The following PREX1 variants were observed in gnomAD, a reference collection of about 807,000 sequenced individuals.
PREX1 encodes the protein phosphatidylinositol 3,4,5-trisphosphate-dependent Rac exchanger 1 protein.
Under a neutral mutation model 198.3 loss-of-function variants are expected in PREX1, and 41 were observed. The observed-to-expected ratio is 0.21, with a 90% CI of 0.16 to 0.27. The LOEUF (loss-of-function observed/expected upper bound fraction) is 0.27. PREX1 is among the 10% of genes least tolerant of loss of function. The pLI is 1.00. For missense variants in PREX1, 1,620 were observed against 2,200.7 expected (o/e 0.74, Z 5.28); for synonymous variants, 843 against 887.2 (o/e 0.95, Z 0.89).
chr20:48,735,940 C>T (rs945066935), intron 3 of PREX1, among the ~76,000 whole-genome samples: 2 of 152,090 alleles, frequency 1.3e-5, no homozygotes, highest in Non-Finnish European at 2.9e-5. Flanking sequence ...GGGCACTACA[C>T]CAGAATACTG....
rs2089483271 is a variant in PREX1, at chr20:48,650,224, G to GT, written c.2818-19dup. On this transcript the variant is annotated intron_variant, in intron 23 of 39. Transcript: ENST00000371941. ...GCTGCAAACTGAGAAAGTGGAGGCC[G>GT]TAAGGTCGTGAATCACAGGGCAGGG... 3 of 1,591,508 alleles carry GT rather than the reference G, an allele frequency of 1.9e-6. No individual in the cohort carries two copies. Among genetic ancestry groups the GT allele is most frequent in the African/African-American group, 1.3e-5 (1 of 74,360 alleles).
intron 1 of PREX1, among the ~76,000 whole-genome samples, chr20:48,774,232 G>A (rs1322962150): frequency 6.6e-6 from 1 of 152,232 alleles, no homozygotes; most frequent in Non-Finnish European, 1.5e-5. Flanking sequence ...GCATTCAACT[G>A]CAATCGTGCT....
chr20:48,695,941 T>C (rs150902850), intron 7 of PREX1, among the ~76,000 whole-genome samples: 197 of 152,364 alleles, frequency 1.3e-3, no homozygotes, highest in African/African-American at 4.6e-3. Context: ...TAAAACTTTA[T>C]TGACAAAAAT....
the PREX1 span, among the ~76,000 whole-genome samples, chr20:48,882,501 CAAAAA>C: frequency 1.5e-4 from 10 of 66,880 alleles, no homozygotes; most frequent in Admixed American, 4.1e-4. Context: ...GACTCCGTCT[CAAAAA>C]AAAAAAAAAA....
At chr20:48,686,984 G>A (rs774395247) in intron 10 of PREX1, among the ~76,000 whole-genome samples, 1 of 151,932 alleles carries the variant, frequency 6.6e-6, no homozygotes, top group Admixed American at 6.6e-5. Flanking sequence ...CTGCCTCCCC[G>A]CCTCTTCCTC....
At chr20:48,813,190 A>G (rs1467313648) in intron 1 of PREX1, among the ~76,000 whole-genome samples, 1 of 152,200 alleles carries the variant, frequency 6.6e-6, no homozygotes, top group Non-Finnish European at 1.5e-5. Flanking sequence ...GGAACAAGGG[A>G]ACAAGTCTAT....
chr20:48,810,783 A>G (rs2090430498), intron 1 of PREX1, among the ~76,000 whole-genome samples: 1 of 151,192 alleles, frequency 6.6e-6, no homozygotes, highest in Non-Finnish European at 1.5e-5. Flanking sequence ...GCTACTTGGG[A>G]GGCTGAGGTA....
the PREX1 span, among the ~76,000 whole-genome samples, chr20:48,854,815 A>G: frequency 6.6e-6 from 1 of 152,230 alleles, no homozygotes; most frequent in African/African-American, 2.4e-5. Context: ...CCTCTCAGCT[A>G]CAGGGAATTT....
chr20:48,649,343 C>A lies in PREX1; in HGVS notation c.3262G>T (p.Val1088Leu), dbSNP rs1293016161. 19 of 1,614,188 alleles carry A rather than the reference C, an allele frequency of 1.2e-5. No homozygotes were observed. The highest frequency in any genetic ancestry group is 1.4e-5 in the Non-Finnish European group (17 of 1,180,030). The change falls in exon 25 of 40, where the codon GTG (valine) becomes TTG (leucine). Residue 1088 changes from valine (V) to leucine (L), a missense_variant. By Grantham distance (32) the Val-to-Leu change is conservative. Transcript: ENST00000371941. ...TATTGCTTCATCTCCTTCAGGGCCACATCCAGCTTGGTGAAGAGCTGCAGG... is the reference window on the plus strand; with the variant it reads ...TATTGCTTCATCTCCTTCAGGGCCAAATCCAGCTTGGTGAAGAGCTGCAGG... ...AYLQLFTKLD[V>L]ALKEMKQYVT...
At chr20:48,642,380 G>A in intron 28 of PREX1, 27 bp downstream of exon 28, 1 of 1,609,168 alleles carries the variant, frequency 6.2e-7, no homozygotes, top group East Asian at 2.2e-5. Flanking sequence ...ACCCAAAGTT[G>A]CGCCAGGAGT....
chr20:48,684,565 A>C lies in PREX1; in HGVS notation c.1335-3230T>G, dbSNP rs898583508. Among the ~76,000 whole-genome samples, 24 of 152,218 alleles carry C rather than the reference A, an allele frequency of 1.6e-4. No homozygotes were observed. Among genetic ancestry groups the C allele is most frequent in the Non-Finnish European group, 3.2e-4 (22 of 68,020 alleles). On this transcript the variant is annotated intron_variant, in intron 10 of 39. Coordinates refer to ENST00000371941, the MANE Select transcript of PREX1 (RefSeq NM_020820.4). The surrounding 1 kb of genome is among the most constrained non-coding windows in gnomAD (Gnocchi z 4.2). ...CTAATCTCTGCCAAGGGTGAAACCC[A>C]AGGCCTTCGTCCAGGAAGCTTTTCC...
chr20:48,762,702 T>TC lies in PREX1; in HGVS notation c.220-14823_220-14822insG, dbSNP rs35062559. ...CTGACTGCTAATGGTATGAAGTTTC[T>TC]TTTTTTTTTTTTTTTTTTGAGACAA... is the stretch of plus-strand genomic sequence containing the variant. On this transcript the variant is annotated intron_variant, in intron 1 of 39. Transcript: ENST00000371941. Among the ~76,000 whole-genome samples, 3 of 71,290 alleles carry TC rather than the reference T, an allele frequency of 4.2e-5. No individual in the cohort carries two copies. In the South Asian group the frequency reaches 1.1e-3, roughly 25 times the overall value. 46.8% of individuals were successfully genotyped at this position (71,290 alleles called of 152,430 possible).
intron 8 of PREX1, 60 bp downstream of exon 8, chr20:48,692,612 G>A: frequency 7.7e-7 from 1 of 1,296,384 alleles, no homozygotes; most frequent in Non-Finnish European, 1.1e-6. Flanking sequence ...GAAACAGAGA[G>A]AGTGCCAGGG....
At chr20:48,802,066 A>C (rs1227407611) in intron 1 of PREX1, among the ~76,000 whole-genome samples, 1 of 152,178 alleles carries the variant, frequency 6.6e-6, no homozygotes, top group Non-Finnish European at 1.5e-5. Flanking sequence ...TCTTTTCTTT[A>C]TAAATTACCC....
intron 19 of PREX1, among the ~76,000 whole-genome samples, chr20:48,654,727 GTTTAAAC>G (rs1281276533): frequency 1.3e-5 from 2 of 152,198 alleles, no homozygotes; most frequent in East Asian, 3.8e-4. Context: ...AAAAATTTAT[GTTTAAAC>G]TTTAAAGGGA....
chr20:48,651,591 C>A lies in PREX1; in HGVS notation c.2468-8G>T. On this transcript the variant is annotated splice_polypyrimidine_tract_variant and splice_region_variant and intron_variant, in intron 21 of 39. Transcript: ENST00000371941. Reference sequence around the variant, plus strand: ...GGGACAGCAGTGGGAAGGCTGGAAGCCAAAAGAGGTGACATCTGAGCAGAG... The same window carrying A: ...GGGACAGCAGTGGGAAGGCTGGAAGACAAAAGAGGTGACATCTGAGCAGAG... 1 of 1,610,742 alleles carries A rather than the reference C, an allele frequency of 6.2e-7. No homozygotes were observed. The highest frequency in any genetic ancestry group is 8.5e-7 in the Non-Finnish European group (1 of 1,178,404).
chr20:48,741,752 C>T (rs781400187), intron 3 of PREX1, among the ~76,000 whole-genome samples: 1 of 152,106 alleles, frequency 6.6e-6, no homozygotes, highest in Non-Finnish European at 1.5e-5. Context: ...GAGGCCTTTG[C>T]GGAGAAGATG....
At chr20:48,815,112 C>T (rs1490782037) in intron 1 of PREX1, among the ~76,000 whole-genome samples, 1 of 152,156 alleles carries the variant, frequency 6.6e-6, no homozygotes, top group East Asian at 1.9e-4. Context: ...GTATTTCCAG[C>T]AAGAGAACTT....
intron 23 of PREX1, 64 bp downstream of exon 23, chr20:48,650,830 A>G: frequency 6.4e-7 from 1 of 1,570,592 alleles, no homozygotes; most frequent in Admixed American, 1.8e-5. Context: ...CAACCCAAAT[A>G]TCCCAGGCTG....
Sources: gnomAD v4.1 joint callset for allele counts (sites outside exome capture counted in the v4.1 genomes callset) on GRCh38, gnomAD v4.1.1 for gene constraint, Gnocchi (gnomAD v3.1) non-coding constraint, MANE v1.5 for transcripts, NCBI Gene and HGNC (gene_info 2026-07-23, HGNC 2026-07-21) for gene names.